The following PRKCE variants were observed in gnomAD, a reference collection of about 807,000 sequenced individuals.
The protein encoded by PRKCE is protein kinase C epsilon type.
In PRKCE, 16 loss-of-function variants were observed where a neutral mutation model predicts 85.4. That is an observed-to-expected ratio of 0.19 (90% CI 0.13 to 0.28). The LOEUF is 0.28. Among genes scored for constraint, PRKCE ranks in the 10% least tolerant of loss-of-function variants. PRKCE has a pLI of 1.00. For missense variants in PRKCE, 573 were observed against 975.2 expected (o/e 0.59, Z 5.49); for synonymous variants, 388 against 371.5 (o/e 1.04, Z -0.51).
At chr2:45,799,641 A>G (rs1687703654) in intron 1 of PRKCE, among the ~76,000 whole-genome samples, 1 of 152,252 alleles carries the variant, frequency 6.6e-6, no homozygotes, top group Non-Finnish European at 1.5e-5. Flanking sequence ...AAATATTCAA[A>G]ATTAAAAGGC....
intron 2 of PRKCE, among the ~76,000 whole-genome samples, chr2:45,972,885 A>C (rs1702200281): frequency 6.6e-6 from 1 of 152,252 alleles, no homozygotes; most frequent in Admixed American, 6.5e-5. Context: ...GGCATTTTTC[A>C]ATAAAGACAG....
At chr2:45,916,237 G>T (rs1697764276) in intron 2 of PRKCE, among the ~76,000 whole-genome samples, 1 of 150,730 alleles carries the variant, frequency 6.6e-6, no homozygotes, top group Non-Finnish European at 1.5e-5. Flanking sequence ...TATGCACTGA[G>T]AAATTTTTTT....
chr2:45,759,738 A>G (rs1490260717), intron 1 of PRKCE, among the ~76,000 whole-genome samples: 1 of 152,212 alleles, frequency 6.6e-6, no homozygotes, highest in Non-Finnish European at 1.5e-5. Context: ...AAGCATTCAC[A>G]GGGATCATCC....
In PRKCE at chr2:45,891,410, G is replaced by A. The variant is rs138649880; in HGVS notation, c.412+48347G>A. ...CACCCTGCCATGCCACAGGAAAGTC[G>A]GCCCAAGTTGTACCACAAAAGCTGC... On this transcript the variant is annotated intron_variant, in intron 2 of 14. Coordinates refer to ENST00000306156, the MANE Select transcript of PRKCE (RefSeq NM_005400.3). Among the ~76,000 whole-genome samples, 252 of 152,240 alleles carry A rather than the reference G, an allele frequency of 1.7e-3. 1 individual carries two copies. The highest frequency in any genetic ancestry group is 5.7e-3 in the African/African-American group (236 of 41,550).
At chr2:45,777,552 C>A (rs917470499) in intron 1 of PRKCE, among the ~76,000 whole-genome samples, 2 of 152,124 alleles carry the variant, frequency 1.3e-5, no homozygotes, top group Admixed American at 1.3e-4. Context: ...CCATCTTTGT[C>A]CCTATTATGT....
At chr2:46,055,537 C>A (rs899933132) in intron 10 of PRKCE, among the ~76,000 whole-genome samples, 8 of 152,244 alleles carry the variant, frequency 5.3e-5, no homozygotes, top group Non-Finnish European at 8.8e-5. Flanking sequence ...TACCCTTTGT[C>A]TATAACTTTG....
intron 1 of PRKCE, among the ~76,000 whole-genome samples, chr2:45,806,954 G>T (rs770550482): frequency 1.3e-5 from 2 of 152,216 alleles, no homozygotes; most frequent in Non-Finnish European, 2.9e-5. Context: ...TGCCTAGAGA[G>T]CCACTGTGGG....
At chr2:45,721,149 G>A (rs748867931) in intron 1 of PRKCE, among the ~76,000 whole-genome samples, 2 of 152,000 alleles carry the variant, frequency 1.3e-5, no homozygotes, top group Non-Finnish European at 2.9e-5. Flanking sequence ...AGGTGCTGTC[G>A]GAAGAGCAGG....
intron 1 of PRKCE, chr2:45,700,422 C>G (rs1353366445): frequency 6.6e-6 from 1 of 151,984 alleles, no homozygotes; most frequent in Admixed American, 6.6e-5. Flanking sequence ...TATGCTTGAG[C>G]TGAGAGGCCA....
intron 1 of PRKCE, among the ~76,000 whole-genome samples, chr2:45,665,203 G>A (rs1332368864): frequency 6.6e-6 from 1 of 152,226 alleles, no homozygotes; most frequent in Admixed American, 6.5e-5. Flanking sequence ...GTGGCAAGTA[G>A]AAGAGGATCA....
At chr2:45,665,219 C>T (rs1675856250) in intron 1 of PRKCE, among the ~76,000 whole-genome samples, 2 of 152,226 alleles carry the variant, frequency 1.3e-5, no homozygotes, top group South Asian at 2.1e-4. Flanking sequence ...GATCACTTCT[C>T]AGAAATTGCT....
At chr2:45,966,366 G>C (rs1335844602) in intron 2 of PRKCE, among the ~76,000 whole-genome samples, 3 of 152,118 alleles carry the variant, frequency 2.0e-5, no homozygotes, top group African/African-American at 7.2e-5. Context: ...TACCTTGCAC[G>C]CATGCGGGAT....
intron 2 of PRKCE, among the ~76,000 whole-genome samples, chr2:45,868,570 C>T (rs984583342): frequency 6.7e-6 from 1 of 149,358 alleles, no homozygotes; most frequent in Non-Finnish European, 1.5e-5. Context: ...GTGATCTGCC[C>T]GCCTCAGCCT....
At chr2:45,780,023 A>T (rs868333142) in intron 1 of PRKCE, among the ~76,000 whole-genome samples, 1 of 151,596 alleles carries the variant, frequency 6.6e-6, no homozygotes, top group Non-Finnish European at 1.5e-5. Context: ...AAAGCTCCAG[A>T]CATCATACAT....
chr2:45,870,197 C>T (rs979271662), intron 2 of PRKCE, among the ~76,000 whole-genome samples: 2 of 152,184 alleles, frequency 1.3e-5, no homozygotes, highest in African/African-American at 4.8e-5. Flanking sequence ...ACTCTACTCA[C>T]TCTGGGGAGG....
chr2:45,689,683 G>C (rs1160823866), intron 1 of PRKCE, among the ~76,000 whole-genome samples: 4 of 152,020 alleles, frequency 2.6e-5, no homozygotes, highest in African/African-American at 9.7e-5. Flanking sequence ...GCCGAGGGAG[G>C]TCAGGCATTT....
Position 46,186,448 on chromosome 2 carries a change from T to C in PRKCE, c.*1567T>C, listed in dbSNP as rs1049746624. The C allele has an allele frequency of 1.3e-5, 2 of 152,652 alleles. No homozygotes were observed. Among genetic ancestry groups the C allele is most frequent in the East Asian group, 1.9e-4 (1 of 5,204 alleles). 9.5% of individuals were successfully genotyped at this position (152,652 alleles called of 1,614,324 possible). A position where few individuals can be genotyped will look rare whatever the true frequency, so the allele number is the denominator to read the frequency against. On this transcript the variant is annotated 3_prime_UTR_variant, in exon 15 of 15. Transcript: ENST00000306156. ...CGTTGCATATAGAGGTATCAACTGCTGCATGTTCAGGCATATTATAAAACT... is the reference window on the plus strand; with the variant it reads ...CGTTGCATATAGAGGTATCAACTGCCGCATGTTCAGGCATATTATAAAACT...
At chr2:45,875,191 A>G (rs1364624403) in intron 2 of PRKCE, among the ~76,000 whole-genome samples, 1 of 152,216 alleles carries the variant, frequency 6.6e-6, no homozygotes, top group Non-Finnish European at 1.5e-5. Flanking sequence ...ATTGCAGTGC[A>G]GTCTGGGAGA....
At chr2:45,839,113 T>C (rs1447493659) in intron 1 of PRKCE, among the ~76,000 whole-genome samples, 1 of 143,626 alleles carries the variant, frequency 7.0e-6, no homozygotes, top group Non-Finnish European at 1.5e-5. Flanking sequence ...GAGTGTCTCC[T>C]GGGTGCTTAG....
Sources: allele counts gnomAD v4.1 joint callset (sites outside exome capture counted in the v4.1 genomes callset), GRCh38; gene constraint gnomAD v4.1.1; transcripts MANE v1.5; gene names NCBI Gene and HGNC (gene_info 2026-07-23, HGNC 2026-07-21).